Variants in KCTD9 observed in about 807,000 individuals in gnomAD.
KCTD9 encodes BTB/POZ domain-containing protein KCTD9.
In KCTD9, 17 loss-of-function variants were observed where a neutral mutation model predicts 53.3. The ratio of observed to expected loss-of-function variants is 0.32; its 90% CI spans 0.22 to 0.48. The LOEUF (loss-of-function observed/expected upper bound fraction) is 0.48. Ranked by LOEUF, KCTD9 falls within the 20% of genes least tolerant of loss-of-function variation. The probability of loss-of-function intolerance (pLI) is 0.99; values close to 1 mark genes in which losing one functional copy is unlikely to be tolerated. For missense variants in KCTD9, 179 were observed against 465.5 expected, an observed-to-expected ratio of 0.38 and a Z score of 5.66; for synonymous variants, 128 against 162.7, an observed-to-expected ratio of 0.79 and a Z score of 1.62.
At chr8:25,433,617 T>G (rs771609035) in intron 9 of KCTD9, among the ~76,000 whole-genome samples, 182 bp from the exon 10 acceptor site, 3 of 152,138 alleles carry the variant, frequency 2.0e-5, no homozygotes, top group Non-Finnish European at 2.9e-5. Flanking sequence ...CTGGGAACAT[T>G]TGAAAGAAAA....
At chr8:25,452,053 A>T (rs1055132322) in intron 1 of KCTD9, among the ~76,000 whole-genome samples, 1 of 152,238 alleles carries the variant, frequency 6.6e-6, no homozygotes, top group African/African-American at 2.4e-5. Flanking sequence ...TATGTAATAT[A>T]CAATACACAT....
chr8:25,437,829 C>G (rs1023043355), intron 6 of KCTD9, among the ~76,000 whole-genome samples: 2 of 116,572 alleles, frequency 1.7e-5, no homozygotes, highest in African/African-American at 6.9e-5. Context: ...GCCTGGGTGA[C>G]AGAGCGAGAC....
intron 9 of KCTD9, among the ~76,000 whole-genome samples, chr8:25,435,154 C>G (rs1801995246): frequency 6.6e-6 from 1 of 152,176 alleles, no homozygotes; most frequent in Non-Finnish European, 1.5e-5. Flanking sequence ...CTAAACCTTT[C>G]AAGTCTATGT....
At chr8:25,445,844 G>A (rs1052618657) in intron 2 of KCTD9, among the ~76,000 whole-genome samples, 6 of 151,510 alleles carry the variant, frequency 4.0e-5, no homozygotes, top group Non-Finnish European at 7.4e-5. Flanking sequence ...GTTAAAAACT[G>A]CACGTCTTAC....
chr8:25,457,093 C>A (rs879283350), intron 1 of KCTD9, among the ~76,000 whole-genome samples: 66 of 152,274 alleles, frequency 4.3e-4, no homozygotes, highest in African/African-American at 1.5e-3. Context: ...AGTATTAAAT[C>A]TCTAAGACCA....
rs148024976 is a variant in KCTD9 at position 25,442,734 on chromosome 8, C to T, written c.214+1558G>A. ...TATAATATACAATGGCTATATGTTC[C>T]GACAATTCAGAAACAATACAATTAT... is the stretch of plus-strand genomic sequence containing the variant. On this transcript the variant is annotated intron_variant, in intron 3 of 11. Transcript: ENST00000221200. Among the ~76,000 whole-genome samples the T allele has an allele frequency of 2.6e-4, 39 of 152,056 alleles. No homozygotes were observed. In the East Asian group the frequency reaches 5.6e-3, roughly 22 times the overall value.
intron 1 of KCTD9, among the ~76,000 whole-genome samples, chr8:25,453,464 G>A (rs2117445362): frequency 6.6e-6 from 1 of 151,844 alleles, no homozygotes; most frequent in Middle Eastern, 3.4e-3. Flanking sequence ...GACCAGCCTG[G>A]CCAATATGGT....
At chr8:25,440,836 G>C (rs1802108005) in intron 3 of KCTD9, among the ~76,000 whole-genome samples, 163 bp from the exon 4 acceptor site, 1 of 152,184 alleles carries the variant, frequency 6.6e-6, no homozygotes, top group Non-Finnish European at 1.5e-5. Context: ...AACAACACTA[G>C]GTGATAAGGT....
rs1491003060 is a variant in KCTD9 at position 25,435,422 on chromosome 8, G to A, written c.754C>T (p.His252Tyr). ...AGATTTGCACAGCAAAGATTTGCATGTGCAAGATTACAGCGGCTTAAATTG... is the reference window on the plus strand; with the variant it reads ...AGATTTGCACAGCAAAGATTTGCATATGCAAGATTACAGCGGCTTAAATTG... ...MANLSRCNLA[H>Y]ANLCCANLER... is the part of the protein sequence containing the mutation. The change falls in exon 9 of 12, where the codon CAT (histidine) becomes TAT (tyrosine). Residue 252 changes from histidine to tyrosine, a missense_variant. His to Tyr is a moderately conservative substitution (Grantham distance 83). Around this residue, in one of 4 missense-constraint regions of KCTD9, gnomAD observed 32 missense variants for 55.7 expected, o/e 0.57. Transcript: ENST00000221200. The A allele has an allele frequency of 1.2e-6, 2 of 1,612,226 alleles. No homozygotes were observed. Among genetic ancestry groups the A allele is most frequent in the Non-Finnish European group, 1.7e-6 (2 of 1,179,142 alleles).
intron 9 of KCTD9, among the ~76,000 whole-genome samples, chr8:25,434,017 T>C (rs1010242770): frequency 2.6e-5 from 4 of 152,220 alleles, no homozygotes; most frequent in Non-Finnish European, 5.9e-5. Context: ...CTAAACATTA[T>C]TAACCCTGAG....
chr8:25,431,031 A>G (rs1801919052), intron 11 of KCTD9, among the ~76,000 whole-genome samples: 1 of 151,904 alleles, frequency 6.6e-6, no homozygotes, highest in African/African-American at 2.4e-5. Flanking sequence ...GGGTTTCACC[A>G]TGTTGGCCAG....
At chr8:25,458,104 T>TGC in intron 1 of KCTD9, 95 bp downstream of exon 1, 1 of 1,238,050 alleles carries the variant, frequency 8.1e-7, no homozygotes. Flanking sequence ...TCCCAGCCCC[T>TGC]CTACCCAACT....
chr8:25,438,349 A>C (rs1181608047), intron 6 of KCTD9, among the ~76,000 whole-genome samples: 1 of 151,990 alleles, frequency 6.6e-6, no homozygotes, highest in East Asian at 1.9e-4. Context: ...AGGGAATATA[A>C]AGTTTGTTAT....
In KCTD9 at chr8:25,437,886, G is replaced by T. The variant is rs1586426528; in HGVS notation, c.499+1393C>A. On this transcript the variant is annotated intron_variant, in intron 6 of 11. Coordinates refer to ENST00000221200, the MANE Select transcript of KCTD9 (RefSeq NM_017634.4). ...AAAAAAAAAAAAAAAAAAAAATCTG[G>T]ATTTGAATCCCAGCTCTGCCACTCA... 7.1e-5 allele frequency among the ~76,000 whole-genome samples: 10 copies of T among 140,110 alleles called. No homozygotes were observed. The South Asian group carries it at 1.6e-3, about 23-fold the overall frequency. 91.9% of individuals were successfully genotyped at this position (140,110 alleles called of 152,430 possible). A position where few individuals can be genotyped will look rare whatever the true frequency, so the allele number is the denominator to read the frequency against.
At chr8:25,447,493 A>T (rs1164306298) in intron 1 of KCTD9, among the ~76,000 whole-genome samples, 1 of 152,224 alleles carries the variant, frequency 6.6e-6, no homozygotes, top group Non-Finnish European at 1.5e-5. Context: ...ATATGAAGTG[A>T]GCACTAAGGC....
intron 1 of KCTD9, among the ~76,000 whole-genome samples, chr8:25,448,773 G>T (rs952832639): frequency 2.0e-5 from 3 of 151,958 alleles, no homozygotes; most frequent in Admixed American, 2.0e-4. Context: ...AAATTAGCCG[G>T]GCGTGGTGGC....
At chr8:25,451,153 A>G (rs1417157563) in intron 1 of KCTD9, among the ~76,000 whole-genome samples, 1 of 152,216 alleles carries the variant, frequency 6.6e-6, no homozygotes, top group African/African-American at 2.4e-5. Flanking sequence ...CATACAAATA[A>G]AAAGGAGTTA....
At chr8:25,431,609 TA>T (rs1383554214) in intron 11 of KCTD9, among the ~76,000 whole-genome samples, 1 of 152,010 alleles carries the variant, frequency 6.6e-6, no homozygotes, top group Non-Finnish European at 1.5e-5. Flanking sequence ...TACACAGTAC[TA>T]AAACCAAGGA....
At chr8:25,445,250 C>G (rs1019137843) in intron 2 of KCTD9, among the ~76,000 whole-genome samples, 1 of 152,132 alleles carries the variant, frequency 6.6e-6, no homozygotes, top group Non-Finnish European at 1.5e-5. Flanking sequence ...ATTAACAAAA[C>G]CCAACTAGCT....
Sources: gnomAD v4.1 joint callset for allele counts (sites outside exome capture counted in the v4.1 genomes callset) on GRCh38, gnomAD v4.1.1 for gene constraint, gnomAD v4.1.1 regional missense constraint, MANE v1.5 for transcripts, NCBI Gene and HGNC (gene_info 2026-07-23, HGNC 2026-07-21) for gene names.